Variants in TLN2 observed in about 807,000 individuals in gnomAD.
TLN2 encodes talin-2.
TLN2 carries 118 observed loss-of-function variants against 294.7 expected under a neutral mutation model. The observed-to-expected ratio is 0.40, with a 90% CI of 0.34 to 0.47. TLN2 has a LOEUF of 0.47. TLN2 is among the 20% of genes least tolerant of loss of function. The pLI, the probability that TLN2 is intolerant of heterozygous loss-of-function variation, is 0.84. For missense variants in TLN2, 3,083 were observed against 3,282.2 expected, an observed-to-expected ratio of 0.94 and a Z score of 1.48; for synonymous variants, 1,431 against 1,304.5, an observed-to-expected ratio of 1.10 and a Z score of -2.09.
chr15:62,582,601 G>A (rs1274836839), intron 1 of TLN2, among the ~76,000 whole-genome samples: 1 of 152,158 alleles, frequency 6.6e-6, no homozygotes, highest in Non-Finnish European at 1.5e-5. Flanking sequence ...GTAAGAGTGG[G>A]CATCAAAGCC....
intron 42 of TLN2, among the ~76,000 whole-genome samples, chr15:62,775,479 G>A (rs1466080092): frequency 6.6e-6 from 1 of 152,184 alleles, no homozygotes; most frequent in African/African-American, 2.4e-5. Context: ...AGAGTTCTGT[G>A]TATCCTGACA....
intron 9 of TLN2, among the ~76,000 whole-genome samples, chr15:62,667,187 C>T (rs373113164): frequency 4.6e-5 from 7 of 152,070 alleles, no homozygotes; most frequent in Non-Finnish European, 5.9e-5. Context: ...AGGATGGTCT[C>T]GATCTCCTGA....
At chr15:62,767,569 C>A (rs996219380) in intron 41 of TLN2, among the ~76,000 whole-genome samples, 11 of 152,168 alleles carry the variant, frequency 7.2e-5, no homozygotes, top group African/African-American at 2.7e-4. Context: ...AAACTCCCAA[C>A]CTCAGGTGAC....
In TLN2 at chr15:62,404,529, TAA is replaced by T. The variant is rs2033259539; in HGVS notation, c.-238+13847_-238+13848del. Among the ~76,000 whole-genome samples the T allele has an allele frequency of 2.0e-5, 3 of 152,194 alleles. No individual in the cohort carries two copies. The South Asian group carries it at 6.2e-4, about 32-fold the overall frequency. ...CTGCGCTGCTTTCAGACACCCAGGT[TAA>T]AAGATCCCCAAAGCATTCTCGTCCT... On this transcript the variant is annotated intron_variant, in intron 1 of 58. Transcript: ENST00000636159.
chr15:62,413,554 C>T (rs574646615), intron 1 of TLN2, among the ~76,000 whole-genome samples: 6 of 152,240 alleles, frequency 3.9e-5, no homozygotes, highest in Non-Finnish European at 5.9e-5. Context: ...ACCTACGGAA[C>T]ACAGAACAGG....
chr15:62,807,024 C>T (rs938462024), intron 51 of TLN2, among the ~76,000 whole-genome samples: 4 of 151,830 alleles, frequency 2.6e-5, no homozygotes, highest in Non-Finnish European at 5.9e-5. Flanking sequence ...ATTTATGGGA[C>T]CCCTGGGTGT....
chr15:62,459,176 A>G (rs1225207688), intron 1 of TLN2, among the ~76,000 whole-genome samples: 2 of 151,148 alleles, frequency 1.3e-5, no homozygotes, highest in Admixed American at 6.6e-5. Flanking sequence ...AATTTTTTGT[A>G]TTTTTAGTAG....
At chr15:62,723,894 A>G (rs906858847) in intron 26 of TLN2, among the ~76,000 whole-genome samples, 6 of 151,764 alleles carry the variant, frequency 4.0e-5, no homozygotes, top group Admixed American at 3.9e-4. Flanking sequence ...TCAGGCTCTA[A>G]TCCCAGCACT....
intron 1 of TLN2, among the ~76,000 whole-genome samples, chr15:62,563,764 C>A (rs566788449): frequency 6.6e-6 from 1 of 152,184 alleles, no homozygotes; most frequent in Non-Finnish European, 1.5e-5. Flanking sequence ...TGTCATCCTG[C>A]GAGGGTTGGC....
intron 28 of TLN2, among the ~76,000 whole-genome samples, chr15:62,735,827 A>G (rs2060979713): frequency 6.6e-6 from 1 of 152,176 alleles, no homozygotes. Flanking sequence ...ACAGGAAACA[A>G]CCCAAAAGTC....
At chr15:62,733,430 A>T (rs1170112377) in intron 28 of TLN2, among the ~76,000 whole-genome samples, 1 of 152,226 alleles carries the variant, frequency 6.6e-6, no homozygotes, top group Non-Finnish European at 1.5e-5. Flanking sequence ...TGGGGTTTTC[A>T]GAAGTTGCAT....
chr15:62,391,096 C>T (rs1595703922), intron 1 of TLN2, among the ~76,000 whole-genome samples: 1 of 152,230 alleles, frequency 6.6e-6, no homozygotes, highest in Non-Finnish European at 1.5e-5. Context: ...AGAGTGTCCC[C>T]TCGACCCCAG....
intron 11 of TLN2, among the ~76,000 whole-genome samples, chr15:62,685,565 A>C (rs1172158012): frequency 6.6e-6 from 1 of 152,180 alleles, no homozygotes; most frequent in Non-Finnish European, 1.5e-5. Flanking sequence ...ATTTTCCCCC[A>C]TGAAGGCTTT....
At chr15:62,749,749 A>C (rs1244831436) in intron 33 of TLN2, among the ~76,000 whole-genome samples, 1 of 152,212 alleles carries the variant, frequency 6.6e-6, no homozygotes, top group Non-Finnish European at 1.5e-5. Flanking sequence ...GTCCCTTACA[A>C]GTGGTGATCA....
chr15:62,502,156 T>C (rs1567036037), intron 1 of TLN2, among the ~76,000 whole-genome samples: 1 of 152,226 alleles, frequency 6.6e-6, no homozygotes, highest in African/African-American at 2.4e-5. Context: ...GAAGGAAGCT[T>C]TACGGAGTTG....
At position 62,838,918 on chromosome 15, in the gene TLN2, T is replaced by A. The variant is rs937418; in HGVS notation, c.7437T>A (p.Ala2479=). ...TTGTCCGTGCAGCCCAGAAGGCAGC[T>A]TTTGGCAAAGCTGATGACGACGATG... ...DNLVRAAQKA[A]FGKADDDDVV... Residue 2479 remains alanine, a synonymous_variant, in exon 58 of 59, where the codon GCT becomes GCA. Coordinates refer to ENST00000636159, the MANE Select transcript of TLN2 (RefSeq NM_015059.3). 0.26 allele frequency: 425,233 copies of A among 1,613,854 alleles called. 64,550 individuals are homozygous for A. Among genetic ancestry groups the A allele is most frequent in the African/African-American group, 0.62 (46,168 of 74,918 alleles).
chr15:62,446,564 C>T (rs990438902), intron 1 of TLN2, among the ~76,000 whole-genome samples: 2 of 152,254 alleles, frequency 1.3e-5, no homozygotes, highest in Non-Finnish European at 2.9e-5. Context: ...CATGGTTCTA[C>T]TGTTGACTTT....
At chr15:62,831,368 A>T (rs933097538) in intron 54 of TLN2, 1 of 152,002 alleles carries the variant, frequency 6.6e-6, no homozygotes, top group South Asian at 2.1e-4. Context: ...GGAGTCAAAA[A>T]TTCTGTGATT....
intron 1 of TLN2, among the ~76,000 whole-genome samples, chr15:62,504,637 A>G (rs1361715114): frequency 6.6e-6 from 1 of 152,192 alleles, no homozygotes; most frequent in Non-Finnish European, 1.5e-5. Flanking sequence ...AAAAAAGTGA[A>G]CCTTGATCCT....
Sources: gnomAD v4.1 joint callset for allele counts (sites outside exome capture counted in the v4.1 genomes callset) on GRCh38, gnomAD v4.1.1 for gene constraint, MANE v1.5 for transcripts, NCBI Gene and HGNC (gene_info 2026-07-23, HGNC 2026-07-21) for gene names.